Variants in BBS9 observed in about 807,000 individuals in gnomAD.
BBS9 encodes the protein protein PTHB1.
Under a neutral mutation model 117.7 loss-of-function variants are expected in BBS9, and 89 were observed. That is an observed-to-expected ratio of 0.76 (90% confidence interval 0.64 to 0.90). The LOEUF is 0.90. Among genes scored for constraint, BBS9 ranks in the 40% least tolerant of loss-of-function variants. BBS9 has a pLI of 0.00. For missense variants in BBS9, 982 were observed against 1,042.2 expected (o/e 0.94, Z 0.80); for synonymous variants, 379 against 370.9 (o/e 1.02, Z -0.25).
intron 5 of BBS9, among the ~76,000 whole-genome samples, chr7:33,233,858 G>A (rs1792957227): frequency 6.6e-6 from 1 of 152,110 alleles, no homozygotes; most frequent in Admixed American, 6.6e-5. Context: ...TCTATTTACA[G>A]TAGTCCCCTC....
At chr7:33,484,233 T>G (rs1421784791) in intron 19 of BBS9, among the ~76,000 whole-genome samples, 1 of 152,050 alleles carries the variant, frequency 6.6e-6, no homozygotes, top group African/African-American at 2.4e-5. Flanking sequence ...ATCAGGAAAA[T>G]CTACAAAAAA....
intron 16 of BBS9, 106 bp downstream of exon 16, chr7:33,358,101 A>G (rs1489765350): frequency 7.0e-7 from 1 of 1,427,532 alleles, no homozygotes; most frequent in South Asian, 1.2e-5. Flanking sequence ...ATAATTGTTA[A>G]GTAAGAGTAT....
Position 33,373,049 on chromosome 7 carries a change from T to C in BBS9, c.1789+5187T>C, listed in dbSNP as rs748224893. On this transcript the variant is annotated intron_variant, in intron 17 of 22. Transcript: ENST00000242067. ...CTTCTTTTTTTTTAGTCCAAAGGTT[T>C]GTTCAATTTTCTTTATCTTTTCAAA... Among the ~76,000 whole-genome samples the C allele has an allele frequency of 3.8e-4, 58 of 152,146 alleles. 1 individual carries two copies. Among genetic ancestry groups the C allele is most frequent in the Non-Finnish European group, 1.0e-4 (7 of 68,000 alleles).
chr7:33,161,571 TA>T (rs1367967899), intron 4 of BBS9, among the ~76,000 whole-genome samples: 1 of 152,150 alleles, frequency 6.6e-6, no homozygotes, highest in Admixed American at 6.6e-5. Flanking sequence ...AATAGTGCCA[TA>T]AAAAACATAC....
intron 9 of BBS9, among the ~76,000 whole-genome samples, chr7:33,285,772 G>T (rs182450317): frequency 9.9e-5 from 15 of 152,178 alleles, no homozygotes; most frequent in African/African-American, 3.6e-4. Context: ...ACATGGAAAA[G>T]ACCTTGTAGG....
At chr7:33,252,781 C>G (rs1408411994) in intron 5 of BBS9, among the ~76,000 whole-genome samples, 2 of 151,894 alleles carry the variant, frequency 1.3e-5, no homozygotes, top group Non-Finnish European at 2.9e-5. Context: ...AGGTCAAGGT[C>G]ATTGCATAAA....
chr7:33,347,904 G>T (rs956564318), intron 12 of BBS9, among the ~76,000 whole-genome samples: 4 of 151,890 alleles, frequency 2.6e-5, no homozygotes, highest in African/African-American at 7.2e-5. Flanking sequence ...TATAGAAAAG[G>T]TACCATATAG....
rs114926549 is a variant in BBS9 at position 33,366,263 on chromosome 7, C to T, written c.1694-1504C>T. Reference sequence around the variant, plus strand: ...GGGAACCATGGAAGTTCCCACTCCACGGCTGTCACCAATAGGCTGTTGCCT... The same window carrying T: ...GGGAACCATGGAAGTTCCCACTCCATGGCTGTCACCAATAGGCTGTTGCCT... On this transcript the variant is annotated intron_variant, in intron 16 of 22. Coordinates refer to ENST00000242067, the MANE Select transcript of BBS9 (RefSeq NM_198428.3). Among the ~76,000 whole-genome samples, 1,448 of 152,240 alleles carry T rather than the reference C, an allele frequency of 9.5e-3. 24 individuals are homozygous for T. Among genetic ancestry groups the T allele is most frequent in the African/African-American group, 0.033 (1,384 of 41,528 alleles).
rs146316003 is a variant in BBS9, at chr7:33,585,649, T to TA, written c.2522-19208dup. Among the ~76,000 whole-genome samples, 352 of 151,680 alleles carry TA rather than the reference T, an allele frequency of 2.3e-3. 2 individuals carry two copies. Among genetic ancestry groups the TA allele is most frequent in the East Asian group, 0.013 (65 of 5,162 alleles). On this transcript the variant is annotated intron_variant, in intron 21 of 22. Coordinates refer to ENST00000242067, the MANE Select transcript of BBS9 (RefSeq NM_198428.3). ...AACACTATGGCTAGCACATAAGTGCTAAAAAAAAGGTACTAATGTAATTAT... is the reference window on the plus strand; with the variant it reads ...AACACTATGGCTAGCACATAAGTGCTAAAAAAAAAGGTACTAATGTAATTAT...
intron 21 of BBS9, among the ~76,000 whole-genome samples, chr7:33,549,842 G>T (rs1008333577): frequency 2.6e-5 from 4 of 152,154 alleles, no homozygotes; most frequent in African/African-American, 7.2e-5. Context: ...TTTGCCAAAA[G>T]ATAGAGTATC....
At chr7:33,448,090 G>C (rs1487668787) in intron 19 of BBS9, among the ~76,000 whole-genome samples, 1 of 152,146 alleles carries the variant, frequency 6.6e-6, no homozygotes, top group Non-Finnish European at 1.5e-5. Context: ...GGAAGTTGAA[G>C]GCTTCCTGCC....
intron 19 of BBS9, among the ~76,000 whole-genome samples, chr7:33,443,730 A>G (rs1453122128): frequency 6.6e-6 from 1 of 152,192 alleles, no homozygotes. Context: ...ATGGATTTGT[A>G]ATCACGCCAA....
chr7:33,346,502 T>C (rs903735666), intron 12 of BBS9: 4 of 182,272 alleles, frequency 2.2e-5, no homozygotes, highest in Admixed American at 1.2e-4. Context: ...GTATCAATGT[T>C]TTATATTTTC....
At chr7:33,175,580 A>G (rs1276474687) in intron 4 of BBS9, among the ~76,000 whole-genome samples, 1 of 152,124 alleles carries the variant, frequency 6.6e-6, no homozygotes, top group Non-Finnish European at 1.5e-5. Context: ...CAGACAATGC[A>G]AGTGAGGTAC....
intron 20 of BBS9, among the ~76,000 whole-genome samples, chr7:33,525,229 T>C (rs1355708950): frequency 6.7e-6 from 1 of 150,374 alleles, no homozygotes; most frequent in Non-Finnish European, 1.5e-5. Context: ...ATTCTGTTGA[T>C]TTGGGGTGGA....
intron 19 of BBS9, among the ~76,000 whole-genome samples, chr7:33,450,756 A>T (rs1393783932): frequency 1.3e-5 from 2 of 150,962 alleles, no homozygotes; most frequent in Non-Finnish European, 2.9e-5. Flanking sequence ...GGAATTCTTT[A>T]TATATTCTGG....
rs571356445 is a variant in BBS9 at position 33,389,862 on chromosome 7, C to T, written c.2115+1718C>T. ...GTTTTTGGCAATTCCCTTACCCTCCCAGAACTTCTGTTTTGTTCCATAAAA... is the reference window on the plus strand; with the variant it reads ...GTTTTTGGCAATTCCCTTACCCTCCTAGAACTTCTGTTTTGTTCCATAAAA... On this transcript the variant is annotated intron_variant, in intron 19 of 22. Coordinates refer to ENST00000242067, the MANE Select transcript of BBS9 (RefSeq NM_198428.3). 3.3e-5 allele frequency among the ~76,000 whole-genome samples: 5 copies of T among 152,144 alleles called. No individual in the cohort carries two copies. The East Asian group carries it at 7.7e-4, about 24-fold the overall frequency.
intron 20 of BBS9, among the ~76,000 whole-genome samples, chr7:33,517,421 C>G (rs1354005866): frequency 1.3e-5 from 2 of 152,204 alleles, no homozygotes; most frequent in Admixed American, 1.3e-4. Context: ...ACATAGCCAC[C>G]ATGCTCAGCC....
chr7:33,479,563 C>T (rs1259022342), intron 19 of BBS9, among the ~76,000 whole-genome samples: 17 of 152,106 alleles, frequency 1.1e-4, no homozygotes, highest in Admixed American at 1.1e-3. Context: ...AATAGCATTG[C>T]AGTGAATATA....
Sources: allele counts gnomAD v4.1 joint callset (sites outside exome capture counted in the v4.1 genomes callset), GRCh38; gene constraint gnomAD v4.1.1; transcripts MANE v1.5; gene names NCBI Gene and HGNC (gene_info 2026-07-23, HGNC 2026-07-21).